MMP13: variants seen among roughly 807,000 people sequenced by gnomAD.
MMP13 encodes the protein matrix metallopeptidase 13.
In MMP13, 45 loss-of-function variants were observed where a neutral mutation model predicts 52.1. The observed-to-expected ratio is 0.86, with a 90% CI of 0.68 to 1.11. The LOEUF is 1.11. Among genes scored for constraint, MMP13 ranks in the 50% least tolerant of loss-of-function variants. The probability of loss-of-function intolerance (pLI) is 0.00; values close to 1 mark genes in which losing one functional copy is unlikely to be tolerated. For synonymous variants in MMP13, 200 were observed against 204.4 expected, an observed-to-expected ratio of 0.98 and a Z score of 0.18; for missense variants, 576 against 583.8, an observed-to-expected ratio of 0.99 and a Z score of 0.14.
chr11:102,944,517 T>C, intron 9 of MMP13, 151 bp from the exon 10 acceptor site: 1 of 516,768 alleles, frequency 1.9e-6, no homozygotes, highest in Non-Finnish European at 3.4e-6. Flanking sequence ...TAGTTGTTCC[T>C]TTTTAAATTT....
Position 102,952,043 on chromosome 11 carries a change from A to T in MMP13, c.768T>A (p.Asp256Glu), listed in dbSNP as rs782589629. Residue 256 changes from aspartate (D) to glutamate (E), a missense_variant, in exon 5 of 10, where the codon GAT (aspartate) becomes GAA (glutamate). Physicochemically the swap from Asp to Glu is conservative, Grantham distance 45 (BLOSUM62 2). Coordinates refer to ENST00000260302, the MANE Select transcript of MMP13 (RefSeq NM_002427.4). This position sits in a 1 kb window ranked among gnomAD's most constrained non-coding sequence, Gnocchi z 4.3. Reference protein sequence around the residue: ...YTGKSHFMLPDDDVQGIQSLY... With the variant: ...YTGKSHFMLPEDDVQGIQSLY... ...GAGACTGGATCCCTTGTACATCGTC[A>T]TCAGGAAGCATAAAGTGGCTTTTGC... 7.4e-6 allele frequency: 12 copies of T among 1,613,292 alleles called. No homozygotes were observed. The highest frequency in any genetic ancestry group is 1.0e-5 in the Non-Finnish European group (12 of 1,179,464).
rs1591151703 is a variant in MMP13 at position 102,943,665 on chromosome 11, T to G, written c.*601A>C. 6.5e-6 allele frequency: 1 copy of G among 153,192 alleles called. No homozygotes were observed. The highest frequency in any genetic ancestry group is 1.9e-4 in the East Asian group (1 of 5,236). 9.5% of individuals were successfully genotyped at this position (153,192 alleles called of 1,614,324 possible). ...AACAGAATTCAAAGGCCACATCTAC[T>G]ATTCTTACCACTGCTCTTTTGTCTC... On this transcript the variant is annotated 3_prime_UTR_variant, in exon 10 of 10. Coordinates refer to ENST00000260302, the MANE Select transcript of MMP13 (RefSeq NM_002427.4).
In MMP13 at chr11:102,949,014, G is replaced by A. The variant is rs782582945; in HGVS notation, c.1051+11C>T. On this transcript the variant is annotated intron_variant, in intron 7 of 9. Coordinates refer to ENST00000260302, the MANE Select transcript of MMP13 (RefSeq NM_002427.4). This position sits in a 1 kb window ranked among gnomAD's most constrained non-coding sequence, Gnocchi z 4.2. ...TGGTCTTGTGTGAGGACTCCTCTGT[G>A]GAAAGCTTACCTCTGAAGATGAAGA... is the stretch of plus-strand genomic sequence containing the variant. 3.7e-6 allele frequency: 6 copies of A among 1,613,506 alleles called. No individual in the cohort carries two copies. The highest frequency in any genetic ancestry group is 2.5e-6 in the Non-Finnish European group (3 of 1,179,644).
chr11:102,955,434 T>G lies in MMP13; in HGVS notation c.180A>C (p.Ala60=). Residue 60 remains alanine (A), a synonymous_variant, in exon 2 of 10, where the codon GCA becomes GCC. Coordinates refer to ENST00000260302, the MANE Select transcript of MMP13 (RefSeq NM_002427.4). The surrounding 1 kb of genome is among the most constrained non-coding windows in gnomAD (Gnocchi z 4.9). ...TNLAGILKEN[A]ASSMTERLRE... Reference sequence around the variant, plus strand: ...GGAGCCTCTCAGTCATGGAGCTTGCTGCATTCTCCTTCAGGATTCCCGCGA... The same window carrying G: ...GGAGCCTCTCAGTCATGGAGCTTGCGGCATTCTCCTTCAGGATTCCCGCGA... 1 of 1,614,114 alleles carries G rather than the reference T, an allele frequency of 6.2e-7. No homozygotes were observed. Among genetic ancestry groups the G allele is most frequent in the South Asian group, 1.1e-5 (1 of 91,082 alleles).
In MMP13 at chr11:102,950,207, T is replaced by TA. The variant is rs1565254580; in HGVS notation, c.819_820insT (p.Asn274Ter). ...TCTGGCGTTTTTGGATGTTTAGGGT[T>TA]GGGGTCTTCATCTCCTGGACCTGTA... On this transcript the variant is annotated frameshift_variant, in exon 6 of 10. Transcript: ENST00000260302. LOFTEE classifies it high-confidence loss of function. 5 of 1,613,548 alleles carry TA rather than the reference T, an allele frequency of 3.1e-6. No individual in the cohort carries two copies. The Admixed American group carries it at 8.3e-5, about 27-fold the overall frequency.
intron 9 of MMP13, chr11:102,945,001 T>C (rs1860475331): frequency 4.8e-6 from 1 of 206,450 alleles, no homozygotes; most frequent in African/African-American, 2.4e-5. Context: ...CTGAGCACTT[T>C]GGGAGGCCGA....
chr11:102,954,124 C>T, intron 4 of MMP13, 32 bp downstream of exon 4: 1 of 1,611,672 alleles, frequency 6.2e-7, no homozygotes, highest in East Asian at 2.2e-5. Flanking sequence ...AATCTAATAA[C>T]ACATAAATGA....
In MMP13 at chr11:102,955,385, A is replaced by C; in HGVS notation, c.229T>G (p.Leu77Val). Residue 77 changes from leucine (L) to valine (V), a missense_variant, in exon 2 of 10, where the codon TTA (leucine) becomes GTA (valine). By Grantham distance (32) the Leu-to-Val change is conservative. Transcript: ENST00000260302. The surrounding 1 kb of genome is among the most constrained non-coding windows in gnomAD (Gnocchi z 4.9). Reference protein sequence around the residue: ...RLREMQSFFGLEVTGKLDDNT... With the variant: ...RLREMQSFFGVEVTGKLDDNT... ...TCGTCAAGTTTGCCAGTCACCTCTA[A>C]GCCGAAGAAAGACTGCATTTCTCGG... 6.2e-7 allele frequency: 1 copy of C among 1,614,050 alleles called. No individual in the cohort carries two copies. The highest frequency in any genetic ancestry group is 8.5e-7 in the Non-Finnish European group (1 of 1,179,958).
chr11:102,948,489 C>G (rs1017726893), intron 7 of MMP13, among the ~76,000 whole-genome samples: 1 of 151,994 alleles, frequency 6.6e-6, no homozygotes, highest in Admixed American at 6.5e-5. Flanking sequence ...ACAATACAAA[C>G]AGTGTCAGCA....
intron 5 of MMP13, 76 bp downstream of exon 5, chr11:102,951,936 T>C: frequency 6.7e-7 from 1 of 1,490,024 alleles, no homozygotes. Flanking sequence ...GCAGCATGAC[T>C]GCAATTTAGA....
At chr11:102,951,959 G>C (rs1303019369) in intron 5 of MMP13, 53 bp downstream of exon 5, 2 of 1,569,636 alleles carry the variant, frequency 1.3e-6, no homozygotes, top group African/African-American at 2.7e-5. Context: ...ATAAATGCAT[G>C]GGTTTCTTCT....
Position 102,944,290 on chromosome 11 carries a change from T to G in MMP13, c.1392A>C (p.Pro464=). ...IWSNRIVRVM[P]ANSILWC ...CTTAACACCACAAAATGGAATTTGC[T>G]GGCATGACGCGAACAATACGGTTAC... The change falls in exon 10 of 10, where the codon CCA becomes CCC. Residue 464 remains proline, a synonymous_variant. Coordinates refer to ENST00000260302, the MANE Select transcript of MMP13 (RefSeq NM_002427.4). 6.2e-7 allele frequency: 1 copy of G among 1,613,286 alleles called. No individual in the cohort carries two copies. Among genetic ancestry groups the G allele is most frequent in the South Asian group, 1.1e-5 (1 of 91,072 alleles).
In MMP13 at chr11:102,949,048, T is replaced by G. The variant is rs1860563667; in HGVS notation, c.1028A>C (p.His343Pro). Reference sequence around the variant, plus strand: ...ACCTCTGAAGATGAAGATGAGGTCATGAGAAGGGTGCTCATATGCAGCATC... The same window carrying G: ...ACCTCTGAAGATGAAGATGAGGTCAGGAGAAGGGTGCTCATATGCAGCATC... ...RIDAAYEHPS[H>P]DLIFIFRGRK... Residue 343 changes from histidine to proline, a missense_variant, in exon 7 of 10, where the codon CAT becomes CCT. His to Pro is a moderately conservative substitution (Grantham distance 77). Transcript: ENST00000260302. The surrounding 1 kb of genome is among the most constrained non-coding windows in gnomAD (Gnocchi z 4.2). 2 of 1,613,768 alleles carry G rather than the reference T, an allele frequency of 1.2e-6. No individual in the cohort carries two copies. The highest frequency in any genetic ancestry group is 1.7e-6 in the Non-Finnish European group (2 of 1,179,812).
chr11:102,945,371 A>G, intron 9 of MMP13: 1 of 923,794 alleles, frequency 1.1e-6, no homozygotes, highest in South Asian at 2.3e-5. Flanking sequence ...ATATCCTTGC[A>G]TTTTGGCATC....
chr11:102,953,447 T>C (rs1396326331), intron 4 of MMP13, among the ~76,000 whole-genome samples: 7 of 152,218 alleles, frequency 4.6e-5, no homozygotes, highest in Admixed American at 4.6e-4. Flanking sequence ...CAGCTGTCTA[T>C]GAAGACAACA....
rs977761198 is a variant in MMP13, at chr11:102,948,748, A to G, written c.1051+277T>C. Among the ~76,000 whole-genome samples, 15 of 152,196 alleles carry G rather than the reference A, an allele frequency of 9.9e-5. No homozygotes were observed. In the South Asian group the frequency reaches 2.7e-3, roughly 27 times the overall value. On this transcript the variant is annotated intron_variant, in intron 7 of 9. Coordinates refer to ENST00000260302, the MANE Select transcript of MMP13 (RefSeq NM_002427.4). ...TATATTGGTATAATGTTTTCTCAAT[A>G]AACAATTTTTAAGCAGAACTAAGAG...
chr11:102,944,256 A>G lies in MMP13; in HGVS notation c.*10T>C. 1 of 1,604,912 alleles carries G rather than the reference A, an allele frequency of 6.2e-7. No homozygotes were observed. Among genetic ancestry groups the G allele is most frequent in the South Asian group, 1.1e-5 (1 of 90,942 alleles). On this transcript the variant is annotated 3_prime_UTR_variant, in exon 10 of 10. Coordinates refer to ENST00000260302, the MANE Select transcript of MMP13 (RefSeq NM_002427.4). Reference sequence around the variant, plus strand: ...CTTCAGGATTTAAATAACAATTTTTAAAAAGACACTTAACACCACAAAATG... The same window carrying G: ...CTTCAGGATTTAAATAACAATTTTTGAAAAGACACTTAACACCACAAAATG...
chr11:102,943,679 C>A lies in MMP13; in HGVS notation c.*587G>T, dbSNP rs1274762114. ...GCCACATCTACTATTCTTACCACTG[C>A]TCTTTTGTCTCCTGTCTTTAATGAC... On this transcript the variant is annotated 3_prime_UTR_variant, in exon 10 of 10. Transcript: ENST00000260302. 6.5e-6 allele frequency: 1 copy of A among 153,976 alleles called. No homozygotes were observed. The highest frequency in any genetic ancestry group is 1.9e-4 in the East Asian group (1 of 5,252). 9.5% of individuals were successfully genotyped at this position (153,976 alleles called of 1,614,324 possible).
Position 102,949,599 on chromosome 11 carries a change from A to T in MMP13, c.918-441T>A, listed in dbSNP as rs1391750119. Among the ~76,000 whole-genome samples, 6 of 152,210 alleles carry T rather than the reference A, an allele frequency of 3.9e-5. No individual in the cohort carries two copies. The highest frequency in any genetic ancestry group is 2.0e-4 in the Admixed American group (3 of 15,280). On this transcript the variant is annotated intron_variant, in intron 6 of 9. Coordinates refer to ENST00000260302, the MANE Select transcript of MMP13 (RefSeq NM_002427.4). This position sits in a 1 kb window ranked among gnomAD's most constrained non-coding sequence, Gnocchi z 4.2. The stretch of plus-strand genomic sequence containing the variant: ...AATTAGAGTTATAACAGAGGGGATA[A>T]ACATGCTATTGGATCACAGATGAGG...
Sources: gnomAD v4.1 joint callset for allele counts (sites outside exome capture counted in the v4.1 genomes callset) on GRCh38, gnomAD v4.1.1 for gene constraint, Gnocchi (gnomAD v3.1) non-coding constraint, MANE v1.5 for transcripts, NCBI Gene and HGNC (gene_info 2026-07-23, HGNC 2026-07-21) for gene names.